The following TMEM168 variants were observed in gnomAD, a reference collection of about 807,000 sequenced individuals.
TMEM168 encodes the protein transmembrane protein 168.
Under a neutral mutation model 53.2 loss-of-function variants are expected in TMEM168, and 40 were observed. The observed-to-expected ratio is 0.75, with a 90% CI of 0.58 to 0.98. The LOEUF is 0.98. Ranked by LOEUF, TMEM168 falls within the 50% of genes least tolerant of loss-of-function variation. TMEM168 has a pLI of 0.00. For missense variants in TMEM168, 771 were observed against 828.8 expected (o/e 0.93, Z 0.86); for synonymous variants, 282 against 293.0 (o/e 0.96, Z 0.38).
At position 112,779,045 on chromosome 7, in the gene TMEM168, C is replaced by G. The variant is rs537598178; in HGVS notation, c.1129-3727G>C. ...CTTGGGACCACAGGCACATGCACCACCATGCCTGGCTAATTTTTTTATTTT... is the reference window on the plus strand; with the variant it reads ...CTTGGGACCACAGGCACATGCACCAGCATGCCTGGCTAATTTTTTTATTTT... On this transcript the variant is annotated intron_variant, in intron 2 of 4. Coordinates refer to ENST00000312814, the MANE Select transcript of TMEM168 (RefSeq NM_022484.6). Among the ~76,000 whole-genome samples the G allele has an allele frequency of 1.4e-4, 22 of 152,176 alleles. No individual in the cohort carries two copies. In the Middle Eastern group the frequency reaches 0.01, roughly 71 times the overall value.
chr7:112,780,858 GAAGC>G (rs1489969145), intron 2 of TMEM168, among the ~76,000 whole-genome samples: 1 of 147,620 alleles, frequency 6.8e-6, no homozygotes, highest in Non-Finnish European at 1.5e-5. Flanking sequence ...TGACTACAAG[GAAGC>G]AAGAGGGAAT....
Position 112,787,713 on chromosome 7 carries a change from A to ATTTTTTTTTTTTT in TMEM168, c.-129+2434_-129+2446dup, listed in dbSNP as rs71155069. On this transcript the variant is annotated intron_variant, in intron 1 of 4. Coordinates refer to ENST00000312814, the MANE Select transcript of TMEM168 (RefSeq NM_022484.6). ...ACAGGCGTGAGCCACTGCGACTGGC[A>ATTTTTTTTTTTTT]TTTTTTTTTTTTTTTTTTTTTTTTT... is the stretch of plus-strand genomic sequence containing the variant. Among the ~76,000 whole-genome samples the ATTTTTTTTTTTTT allele has an allele frequency of 8.3e-4, 32 of 38,784 alleles. 2 individuals carry two copies. Among genetic ancestry groups the ATTTTTTTTTTTTT allele is most frequent in the African/African-American group, 1.1e-3 (10 of 9,356 alleles). The allele number at this position is 38,784 out of a possible 152,430, so 25.4% of individuals were successfully genotyped here.
At chr7:112,777,513 A>C (rs1793116137) in intron 2 of TMEM168, among the ~76,000 whole-genome samples, 1 of 152,078 alleles carries the variant, frequency 6.6e-6, no homozygotes, top group Admixed American at 6.5e-5. Context: ...ACTCTTATAA[A>C]ATATGAGATC....
At chr7:112,769,508 G>T (rs1227175) in intron 4 of TMEM168, among the ~76,000 whole-genome samples, 5,645 of 151,900 alleles carry the variant, frequency 0.037, 329 homozygotes, top group African/African-American at 0.13. Context: ...AAACATTCTT[G>T]AGCATATTCT....
At chr7:112,779,964 G>A (rs568844194) in intron 2 of TMEM168, among the ~76,000 whole-genome samples, 64 of 152,210 alleles carry the variant, frequency 4.2e-4, no homozygotes, top group African/African-American at 1.3e-3. Context: ...ACGTAAATGC[G>A]GCAATATATA....
intron 3 of TMEM168, 108 bp downstream of exon 3, chr7:112,775,068 G>C: frequency 1.1e-6 from 1 of 930,772 alleles, no homozygotes; most frequent in Non-Finnish European, 1.4e-6. Context: ...AAATGCACAA[G>C]TTATATTTTG....
At chr7:112,786,401 C>T (rs1343674652) in intron 1 of TMEM168, among the ~76,000 whole-genome samples, 7 of 152,224 alleles carry the variant, frequency 4.6e-5, no homozygotes, top group South Asian at 2.1e-4. Flanking sequence ...TGCTTTTATA[C>T]GTTCAACAAG....
intron 1 of TMEM168, among the ~76,000 whole-genome samples, chr7:112,788,775 C>T (rs1793460067): frequency 6.6e-6 from 1 of 152,172 alleles, no homozygotes; most frequent in Admixed American, 6.5e-5. Flanking sequence ...CTCACCAAGT[C>T]CTGTCTACTA....
At position 112,767,642 on chromosome 7, in the gene TMEM168, GT is replaced by G. The variant is rs1431764768; in HGVS notation, c.1648del (p.Thr550ProfsTer4). ...TTTCCTCACTTCTTTCACCCAAGGG[GT>G]TGAATTTTCGCTGTCTAATACGATA... is the stretch of plus-strand genomic sequence containing the variant. ...LIIVLDSENS[T>X]PWVKEVRKIN... On this transcript the variant is annotated frameshift_variant, in exon 5 of 5. Transcript: ENST00000312814. LOFTEE classifies it high-confidence loss of function. 6.2e-7 allele frequency: 1 copy of G among 1,613,908 alleles called. No individual in the cohort carries two copies. Among genetic ancestry groups the G allele is most frequent in the Non-Finnish European group, 8.5e-7 (1 of 1,180,010 alleles).
intron 1 of TMEM168, among the ~76,000 whole-genome samples, chr7:112,785,858 G>C (rs952176894): frequency 1.3e-5 from 2 of 152,150 alleles, no homozygotes; most frequent in Non-Finnish European, 2.9e-5. Flanking sequence ...TGTTTCAAAA[G>C]AACTGATCAA....
At chr7:112,782,842 T>G (rs758038621) in intron 2 of TMEM168, among the ~76,000 whole-genome samples, 7 of 152,260 alleles carry the variant, frequency 4.6e-5, no homozygotes, top group Non-Finnish European at 7.3e-5. Context: ...GACTTTCCTT[T>G]ATGCCCCACA....
intron 2 of TMEM168, among the ~76,000 whole-genome samples, chr7:112,782,919 C>T (rs779847557): frequency 2.0e-5 from 3 of 152,170 alleles, no homozygotes; most frequent in Non-Finnish European, 2.9e-5. Flanking sequence ...GTTTACATGC[C>T]AGCCTCTTCC....
At chr7:112,787,611 C>T (rs1490382198) in intron 1 of TMEM168, among the ~76,000 whole-genome samples, 2 of 150,150 alleles carry the variant, frequency 1.3e-5, no homozygotes, top group Admixed American at 6.6e-5. Context: ...GACGGGGTTT[C>T]ACCATATTGG....
rs1463711091 is a variant in TMEM168, at chr7:112,774,515, C to T, written c.1271+661G>A. The stretch of plus-strand genomic sequence containing the variant: ...TAACAAAGAACTAGACCTCCAGCCT[C>T]TCAGGCCCAGAGCACGTTTTACTAT... On this transcript the variant is annotated intron_variant, in intron 3 of 4. Transcript: ENST00000312814. Among the ~76,000 whole-genome samples, 4 of 151,968 alleles carry T rather than the reference C, an allele frequency of 2.6e-5. No individual in the cohort carries two copies. The East Asian group carries it at 5.8e-4, about 22-fold the overall frequency.
At chr7:112,785,969 A>T (rs1247811162) in intron 1 of TMEM168, among the ~76,000 whole-genome samples, 1 of 152,144 alleles carries the variant, frequency 6.6e-6, no homozygotes, top group Non-Finnish European at 1.5e-5. Flanking sequence ...GAACTTTGGG[A>T]GGGTGAGGAA....
intron 1 of TMEM168, 49 bp from the exon 2 acceptor site, chr7:112,785,002 C>A: frequency 2.1e-6 from 1 of 478,574 alleles, no homozygotes; most frequent in South Asian, 6.8e-5. Context: ...ATAATTTACT[C>A]ATTATTTTAT....
At chr7:112,773,545 T>A (rs1792988751) in intron 3 of TMEM168, among the ~76,000 whole-genome samples, 1 of 151,624 alleles carries the variant, frequency 6.6e-6, no homozygotes, top group Non-Finnish European at 1.5e-5. Context: ...TTAAGGTACA[T>A]AAATAATAGA....
Position 112,767,137 on chromosome 7 carries a change from G to A in TMEM168, c.*60C>T, listed in dbSNP as rs80175985. 1 of 1,487,172 alleles carries A rather than the reference G, an allele frequency of 6.7e-7. No individual in the cohort carries two copies. Among genetic ancestry groups the A allele is most frequent in the Non-Finnish European group, 9.0e-7 (1 of 1,105,396 alleles). The allele number at this position is 1,487,172 out of a possible 1,614,324, so 92.1% of individuals were successfully genotyped here. On this transcript the variant is annotated 3_prime_UTR_variant, in exon 5 of 5. Transcript: ENST00000312814. ...AATAAAAATACAGCATACAAAAAAT[G>A]GCAAGTTAGTGATAATTGGTAGTAT...
chr7:112,768,916 G>A (rs1018073297), intron 4 of TMEM168, among the ~76,000 whole-genome samples: 2 of 152,178 alleles, frequency 1.3e-5, no homozygotes, highest in African/African-American at 2.4e-5. Flanking sequence ...ATTTATTGAT[G>A]AGAAAATGTC....
Sources: allele counts gnomAD v4.1 joint callset (sites outside exome capture counted in the v4.1 genomes callset), GRCh38; gene constraint gnomAD v4.1.1; transcripts MANE v1.5; gene names NCBI Gene and HGNC (gene_info 2026-07-23, HGNC 2026-07-21).